The following VWCE variants were observed in gnomAD, a reference collection of about 807,000 sequenced individuals.
VWCE encodes the protein von Willebrand factor C and EGF domain-containing protein.
Under a neutral mutation model 102.9 loss-of-function variants are expected in VWCE, and 68 were observed. The ratio of observed to expected loss-of-function variants is 0.66; its 90% CI spans 0.54 to 0.81. The LOEUF (loss-of-function observed/expected upper bound fraction) is 0.81, where lower values mean the gene tolerates loss of function less well. VWCE is among the 30% of genes least tolerant of loss of function. The probability of loss-of-function intolerance (pLI) is 0.00; values close to 1 mark genes in which losing one functional copy is unlikely to be tolerated. For missense variants in VWCE, 1,137 were observed against 1,263.6 expected (o/e 0.90, Z 1.52); for synonymous variants, 497 against 515.4 (o/e 0.96, Z 0.48).
Position 61,286,402 on chromosome 11 carries a change from G to C in VWCE, c.453C>G (p.Cys151Trp). 1 of 1,612,732 alleles carries C rather than the reference G, an allele frequency of 6.2e-7. No homozygotes were observed. Among genetic ancestry groups the C allele is most frequent in the Non-Finnish European group, 8.5e-7 (1 of 1,180,024 alleles). Residue 151 changes from cysteine (C) to tryptophan (W), a missense_variant, in exon 5 of 20, where the codon TGC (cysteine) becomes TGG (tryptophan). Physicochemically the swap from Cys to Trp is radical, Grantham distance 215. Around this residue, in one of 5 missense-constraint regions of VWCE, gnomAD observed 575 missense variants for 625.9 expected, o/e 0.92. Transcript: ENST00000335613. ...TDIDECVTSS[C>W]EGHCVNTEGG... ...CTTCTGTGTTCACACAGTGGCCCTC[G>C]CAGGAGGAGGTTACACATTCGTCAA... is the stretch of plus-strand genomic sequence containing the variant.
At position 61,294,812 on chromosome 11, in the gene VWCE, G is replaced by A; in HGVS notation, c.110+116C>T. The A allele has an allele frequency of 4.7e-6, 3 of 635,788 alleles. No homozygotes were observed. The highest frequency in any genetic ancestry group is 7.1e-6 in the Non-Finnish European group (3 of 424,722). The allele number at this position is 635,788 out of a possible 1,614,324, so 39.4% of individuals were successfully genotyped here. On this transcript the variant is annotated intron_variant, in intron 1 of 19. Coordinates refer to ENST00000335613, the MANE Select transcript of VWCE (RefSeq NM_152718.2). This position sits in a 1 kb window ranked among gnomAD's most constrained non-coding sequence, Gnocchi z 6.3. ...CTGTGCCCGCGCTGATAGCACCCCA[G>A]AGGAAGCCCCGACACGCGGCTGCCT...
At position 61,258,956 on chromosome 11, in the gene VWCE, C is replaced by T; in HGVS notation, c.2587G>A (p.Gly863Arg). The part of the protein sequence containing the change: ...GAPTLPLASP[G>R]APQPPPVTPE... ...GTCACAGGAGGTGGCTGAGGAGCCC[C>T]TGGGGAAGCTAGAGGTAGAGTGGGG... Residue 863 changes from glycine to arginine, a missense_variant, in exon 20 of 20, where the codon GGG (glycine) becomes AGG (arginine). Gly to Arg is a moderately radical substitution (Grantham distance 125). Coordinates refer to ENST00000335613, the MANE Select transcript of VWCE (RefSeq NM_152718.2). 2 of 1,577,628 alleles carry T rather than the reference C, an allele frequency of 1.3e-6. No individual in the cohort carries two copies. The highest frequency in any genetic ancestry group is 1.7e-6 in the Non-Finnish European group (2 of 1,163,458).
rs745548959 is a variant in VWCE, at chr11:61,258,358, G to A, written c.*317C>T. ...TGACACCTGGCGGTACAGTCCCAGT[G>A]AGTGGAATCCCAGCCGGACGCAACT... On this transcript the variant is annotated 3_prime_UTR_variant, in exon 20 of 20. Coordinates refer to ENST00000335613, the MANE Select transcript of VWCE (RefSeq NM_152718.2). 8.7e-6 allele frequency: 2 copies of A among 229,170 alleles called. No individual in the cohort carries two copies. Among genetic ancestry groups the A allele is most frequent in the Non-Finnish European group, 1.7e-5 (2 of 119,128 alleles). The allele number at this position is 229,170 out of a possible 1,614,324, so 14.2% of individuals were successfully genotyped here. A position where few individuals can be genotyped will look rare whatever the true frequency, so the allele number is the denominator to read the frequency against.
chr11:61,294,890 C>T lies in VWCE; in HGVS notation c.110+38G>A. On this transcript the variant is annotated intron_variant, in intron 1 of 19. Coordinates refer to ENST00000335613, the MANE Select transcript of VWCE (RefSeq NM_152718.2). The surrounding 1 kb of genome is among the most constrained non-coding windows in gnomAD (Gnocchi z 6.3). ...CTCGACTGCACGCCGGTAGCGCTCT[C>T]CCGGGCGGGGGAGCGGGGAGGAGCT... 1 of 1,341,382 alleles carries T rather than the reference C, an allele frequency of 7.5e-7. No individual in the cohort carries two copies. Among genetic ancestry groups the T allele is most frequent in the Non-Finnish European group, 9.7e-7 (1 of 1,035,302 alleles). The allele number at this position is 1,341,382 out of a possible 1,614,324, so 83.1% of individuals were successfully genotyped here.
chr11:61,262,988 C>A (rs1474222156), intron 19 of VWCE, among the ~76,000 whole-genome samples: 1 of 152,200 alleles, frequency 6.6e-6, no homozygotes, highest in Non-Finnish European at 1.5e-5. Context: ...TACCACATTT[C>A]TTTATCCAGA....
In VWCE at chr11:61,258,961, G is replaced by A. The variant is rs1854270669; in HGVS notation, c.2582C>T (p.Ser861Phe). ...PPGAPTLPLA[S>F]PGAPQPPPVT... is the part of the protein sequence containing the mutation. ...AGGAGGTGGCTGAGGAGCCCCTGGG[G>A]AAGCTAGAGGTAGAGTGGGGGCTCC... is the stretch of plus-strand genomic sequence containing the variant. The change falls in exon 20 of 20, where the codon TCC becomes TTC. Residue 861 changes from serine (S) to phenylalanine (F), a missense_variant. This residue lies in a region of VWCE where 316 missense variants were observed against 319.3 expected (regional missense o/e 0.99). Transcript: ENST00000335613. 4 of 1,580,756 alleles carry A rather than the reference G, an allele frequency of 2.5e-6. No homozygotes were observed. The highest frequency in any genetic ancestry group is 2.3e-5 in the South Asian group (2 of 86,234).
At chr11:61,293,412 G>C (rs1264289506) in intron 1 of VWCE, among the ~76,000 whole-genome samples, 3 of 136,134 alleles carry the variant, frequency 2.2e-5, no homozygotes, top group South Asian at 2.4e-4. Context: ...ATAAGATTCT[G>C]TCTCAAAAAA....
chr11:61,289,975 T>A (rs920636891), intron 4 of VWCE, among the ~76,000 whole-genome samples: 2 of 152,226 alleles, frequency 1.3e-5, no homozygotes, highest in Non-Finnish European at 2.9e-5. Context: ...AGGTAACAGA[T>A]TTTGTCCGTA....
chr11:61,290,867 T>C lies in VWCE; in HGVS notation c.356A>G (p.Gln119Arg). The change falls in exon 4 of 20, where the codon CAG becomes CGG. Residue 119 changes from glutamine (Q) to arginine (R), a missense_variant. This residue lies in a region of VWCE where 575 missense variants were observed against 625.9 expected (regional missense o/e 0.92). Transcript: ENST00000335613. Reference protein sequence around the residue: ...CDLTCNHGGCQEVARVCPVGF... With the variant: ...CDLTCNHGGCREVARVCPVGF... The stretch of plus-strand genomic sequence containing the variant: ...CACGGGGCACACTCGGGCCACCTCC[T>C]GACAGCCTCCATGGTTGCAGGTAAG... 1.9e-6 allele frequency: 3 copies of C among 1,602,294 alleles called. No individual in the cohort carries two copies. Among genetic ancestry groups the C allele is most frequent in the Non-Finnish European group, 2.6e-6 (3 of 1,172,692 alleles).
At position 61,293,821 on chromosome 11, in the gene VWCE, C is replaced by T. The variant is rs532010499; in HGVS notation, c.110+1107G>A. On this transcript the variant is annotated intron_variant, in intron 1 of 19. Coordinates refer to ENST00000335613, the MANE Select transcript of VWCE (RefSeq NM_152718.2). ...AGGGAAGCTCAGGGTGCAATGGCAG[C>T]ACACAAAAGTCTGAGGAAAGCTGTC... Among the ~76,000 whole-genome samples, 18 of 152,290 alleles carry T rather than the reference C, an allele frequency of 1.2e-4. No homozygotes were observed. In the East Asian group the frequency reaches 3.5e-3, roughly 29 times the overall value.
At chr11:61,261,042 T>A (rs1002299158) in intron 19 of VWCE, among the ~76,000 whole-genome samples, 2 of 151,910 alleles carry the variant, frequency 1.3e-5, no homozygotes, top group African/African-American at 4.8e-5. Flanking sequence ...CTGGCCAACA[T>A]GGTGAAACTC....
At chr11:61,264,904 C>T in intron 18 of VWCE, 52 bp downstream of exon 18, 3 of 1,597,106 alleles carry the variant, frequency 1.9e-6, no homozygotes, top group Non-Finnish European at 2.6e-6. Flanking sequence ...GGACAAAAGG[C>T]AAGAAGCTGC....
At chr11:61,261,588 A>AT (rs1403037371) in intron 19 of VWCE, among the ~76,000 whole-genome samples, 1 of 151,898 alleles carries the variant, frequency 6.6e-6, no homozygotes, top group Non-Finnish European at 1.5e-5. Context: ...AAAAAAAAAA[A>AT]GTAAAAAAAT....
intron 6 of VWCE, 66 bp from the exon 7 acceptor site, chr11:61,281,980 C>G: frequency 1.7e-5 from 26 of 1,567,284 alleles, no homozygotes; most frequent in Non-Finnish European, 2.3e-5. Context: ...TCCGCCCATC[C>G]CTTAGCTCAA....
chr11:61,260,589 T>G (rs1854324649), intron 19 of VWCE, among the ~76,000 whole-genome samples: 1 of 152,138 alleles, frequency 6.6e-6, no homozygotes, highest in East Asian at 1.9e-4. Context: ...TGATCCACGG[T>G]GCCCAGCAAA....
chr11:61,274,926 A>G (rs113924311), intron 11 of VWCE, among the ~76,000 whole-genome samples: 2 of 152,302 alleles, frequency 1.3e-5, no homozygotes, highest in African/African-American at 4.8e-5. Flanking sequence ...AGCTGAGTGC[A>G]GCAGTGCGTG....
At chr11:61,267,194 G>T (rs938908991) in intron 16 of VWCE, among the ~76,000 whole-genome samples, 1 of 152,146 alleles carries the variant, frequency 6.6e-6, no homozygotes, top group African/African-American at 2.4e-5. Flanking sequence ...GGAAGCGGAG[G>T]TTGCAGTGAG....
At chr11:61,265,348 G>A in intron 16 of VWCE, 136 bp from the exon 17 acceptor site, 1 of 726,922 alleles carries the variant, frequency 1.4e-6, no homozygotes, top group Non-Finnish European at 2.1e-6. Flanking sequence ...GTGGGGCAGT[G>A]GGGCAGGGGG....
intron 9 of VWCE, among the ~76,000 whole-genome samples, chr11:61,279,948 A>G (rs1855063312): frequency 6.6e-6 from 1 of 152,142 alleles, no homozygotes; most frequent in African/African-American, 2.4e-5. Context: ...GCTAGTCTCA[A>G]ACTCCTGGGC....
Sources: gnomAD v4.1 joint callset for allele counts (sites outside exome capture counted in the v4.1 genomes callset) on GRCh38, gnomAD v4.1.1 for gene constraint, gnomAD v4.1.1 regional missense constraint, Gnocchi (gnomAD v3.1) non-coding constraint, MANE v1.5 for transcripts, NCBI Gene and HGNC (gene_info 2026-07-23, HGNC 2026-07-21) for gene names.